The following FSTL4 variants were observed in gnomAD, a reference collection of about 807,000 sequenced individuals.
FSTL4 encodes the protein follistatin like 4.
Under a neutral mutation model 78.2 loss-of-function variants are expected in FSTL4, and 28 were observed. The observed-to-expected ratio is 0.36, with a 90% CI of 0.27 to 0.49. The LOEUF (loss-of-function observed/expected upper bound fraction) is 0.49. FSTL4 is among the 20% of genes least tolerant of loss of function. The pLI, the probability that FSTL4 is intolerant of heterozygous loss-of-function variation, is 0.98. For synonymous variants in FSTL4, 422 were observed against 440.5 expected, an observed-to-expected ratio of 0.96 and a Z score of 0.53; for missense variants, 922 against 1,084.9, an observed-to-expected ratio of 0.85 and a Z score of 2.11.
chr5:133,681,445 G>T, the FSTL4 span, among the ~76,000 whole-genome samples: 1 of 152,294 alleles, frequency 6.6e-6, no homozygotes, highest in African/African-American at 2.4e-5. Flanking sequence ...ACTTGGCTGC[G>T]GCCCCCATGG....
chr5:133,808,258 A>G, the FSTL4 span, among the ~76,000 whole-genome samples: 1 of 152,238 alleles, frequency 6.6e-6, no homozygotes, highest in African/African-American at 2.4e-5. Context: ...TGGCTTTTCT[A>G]AGTAGCCAGG....
At chr5:133,448,545 G>A (rs1007106474) in intron 3 of FSTL4, among the ~76,000 whole-genome samples, 9 of 152,196 alleles carry the variant, frequency 5.9e-5, no homozygotes, top group Admixed American at 4.6e-4. Flanking sequence ...GTTAAAGGGC[G>A]GTAACAACAA....
chr5:133,840,123 G>A, the FSTL4 span, among the ~76,000 whole-genome samples: 28 of 152,330 alleles, frequency 1.8e-4, no homozygotes, highest in African/African-American at 6.5e-4. Context: ...CCTCATTACA[G>A]GCATTGCTGC....
chr5:133,556,454 G>T (rs116288751), intron 3 of FSTL4, among the ~76,000 whole-genome samples: 3 of 152,190 alleles, frequency 2.0e-5, no homozygotes, highest in East Asian at 3.9e-4. Context: ...GGCGGGGTGC[G>T]GTGGCTCATA....
chr5:133,480,073 G>A (rs7717257), intron 3 of FSTL4, among the ~76,000 whole-genome samples: 1,643 of 152,274 alleles, frequency 0.011, 41 homozygotes, highest in African/African-American at 0.038. Context: ...ACCTAACACC[G>A]AATGCAAGGG....
chr5:133,273,665 C>T (rs2126850178), intron 6 of FSTL4, among the ~76,000 whole-genome samples: 1 of 152,190 alleles, frequency 6.6e-6, no homozygotes, highest in East Asian at 1.9e-4. Context: ...CCCAGCAGGC[C>T]CCAGGCTGGT....
At chr5:133,627,155 T>C in the FSTL4 span, among the ~76,000 whole-genome samples, 18 of 147,928 alleles carry the variant, frequency 1.2e-4, no homozygotes, top group Admixed American at 8.1e-4. Context: ...GTGTCTCTTT[T>C]TTTTTTTTTT....
chr5:133,805,418 T>A, the FSTL4 span, among the ~76,000 whole-genome samples: 1 of 151,962 alleles, frequency 6.6e-6, no homozygotes. Flanking sequence ...AGCCAGAGGG[T>A]GGAGAAGAGG....
At chr5:133,759,580 G>A in the FSTL4 span, among the ~76,000 whole-genome samples, 1 of 152,186 alleles carries the variant, frequency 6.6e-6, no homozygotes, top group Admixed American at 6.5e-5. Flanking sequence ...AGTACTATGT[G>A]ATATATACAA....
At chr5:133,226,045 T>A (rs1194710817) in intron 8 of FSTL4, 1 of 369,890 alleles carries the variant, frequency 2.7e-6, no homozygotes, top group Non-Finnish European at 4.8e-6. Context: ...ACCCTATGAC[T>A]CATGGCTTTC....
chr5:133,836,493 CCCT>C, the FSTL4 span, among the ~76,000 whole-genome samples: 1 of 152,106 alleles, frequency 6.6e-6, no homozygotes, highest in South Asian at 2.1e-4. Context: ...ATATTTTTAA[CCCT>C]AGAAGACATA....
intron 3 of FSTL4, among the ~76,000 whole-genome samples, chr5:133,560,105 C>T (rs1037068795): frequency 6.6e-6 from 1 of 152,198 alleles, no homozygotes; most frequent in Non-Finnish European, 1.5e-5. Context: ...AAAACTTGTG[C>T]CTGCACAGCA....
rs1316856812 is a variant in FSTL4 at position 133,361,988 on chromosome 5, T to C, written c.409+38750A>G. Among the ~76,000 whole-genome samples the C allele has an allele frequency of 1.3e-5, 2 of 152,260 alleles. No individual in the cohort carries two copies. The highest frequency in any genetic ancestry group is 1.3e-4 in the Admixed American group (2 of 15,288). ...TTATCCATGAATACAAAGTATTTTG[T>C]GCATGGCTTAATATACTTGGAATTT... On this transcript the variant is annotated intron_variant, in intron 4 of 15. Coordinates refer to ENST00000265342, the MANE Select transcript of FSTL4 (RefSeq NM_015082.2). This position sits in a 1 kb window ranked among gnomAD's most constrained non-coding sequence, Gnocchi z 4.3.
Position 133,478,283 on chromosome 5 carries a change from C to T in FSTL4, c.161-77297G>A, listed in dbSNP as rs574205841. Among the ~76,000 whole-genome samples the T allele has an allele frequency of 1.7e-4, 26 of 152,284 alleles. No individual in the cohort carries two copies. The South Asian group carries it at 2.7e-3, about 16-fold the overall frequency. On this transcript the variant is annotated intron_variant, in intron 3 of 15. Coordinates refer to ENST00000265342, the MANE Select transcript of FSTL4 (RefSeq NM_015082.2). ...GCTCACTCAGCTACCTTCATCTTCACGATTTATGGTGTGGCTATACACACA... is the reference window on the plus strand; with the variant it reads ...GCTCACTCAGCTACCTTCATCTTCATGATTTATGGTGTGGCTATACACACA...
At chr5:133,544,458 G>T (rs1308058959) in intron 3 of FSTL4, among the ~76,000 whole-genome samples, 3 of 152,106 alleles carry the variant, frequency 2.0e-5, no homozygotes, top group African/African-American at 7.2e-5. Context: ...AAAAATCACT[G>T]TACAGCTGGA....
chr5:133,263,276 G>C lies in FSTL4; in HGVS notation c.728-13700C>G, dbSNP rs535639297. Among the ~76,000 whole-genome samples, 3 of 152,290 alleles carry C rather than the reference G, an allele frequency of 2.0e-5. No homozygotes were observed. In the East Asian group the frequency reaches 5.8e-4, roughly 29 times the overall value. ...GTTTGGGGCTCAGGAGAGTGGCCTAGGCTAGGTGTGCAACCTTGAAATTTA... is the reference window on the plus strand; with the variant it reads ...GTTTGGGGCTCAGGAGAGTGGCCTACGCTAGGTGTGCAACCTTGAAATTTA... On this transcript the variant is annotated intron_variant, in intron 6 of 15. Coordinates refer to ENST00000265342, the MANE Select transcript of FSTL4 (RefSeq NM_015082.2).
chr5:133,669,836 C>T, the FSTL4 span, among the ~76,000 whole-genome samples: 4 of 152,210 alleles, frequency 2.6e-5, no homozygotes, highest in East Asian at 1.9e-4. Flanking sequence ...CTAACCTCCC[C>T]GCACTGCAAC....
chr5:133,565,331 C>T (rs745562952), intron 3 of FSTL4, among the ~76,000 whole-genome samples: 1 of 152,198 alleles, frequency 6.6e-6, no homozygotes, highest in Non-Finnish European at 1.5e-5. Context: ...CAACCCAAGT[C>T]AGTGAGTCAG....
In FSTL4 at chr5:133,220,879, A is replaced by T; in HGVS notation, c.1340-13T>A. The T allele has an allele frequency of 6.8e-7, 1 of 1,474,120 alleles. No individual in the cohort carries two copies. Among genetic ancestry groups the T allele is most frequent in the African/African-American group, 1.4e-5 (1 of 72,332 alleles). 91.3% of individuals were successfully genotyped at this position (1,474,120 alleles called of 1,614,324 possible). A position where few individuals can be genotyped will look rare whatever the true frequency, so the allele number is the denominator to read the frequency against. On this transcript the variant is annotated splice_polypyrimidine_tract_variant and intron_variant, in intron 11 of 15. Transcript: ENST00000265342. The stretch of plus-strand genomic sequence containing the variant: ...CCCACGCTGAGGCCTGGGAGGAGCA[A>T]ATGGAATGGGCATGCCCTCCAAGCA...
Sources: allele counts gnomAD v4.1 joint callset (sites outside exome capture counted in the v4.1 genomes callset), GRCh38; gene constraint gnomAD v4.1.1; non-coding constraint Gnocchi (gnomAD v3.1); transcripts MANE v1.5; gene names NCBI Gene and HGNC (gene_info 2026-07-23, HGNC 2026-07-21).